The following OCRL variants were observed in gnomAD, a reference collection of about 807,000 sequenced individuals.
OCRL encodes inositol polyphosphate 5-phosphatase OCRL.
Under a neutral mutation model 78.9 loss-of-function variants are expected in OCRL, and 8 were observed. The observed-to-expected ratio is 0.10, with a 90% CI of 0.06 to 0.18. The LOEUF is 0.18. OCRL is among the 10% of genes least tolerant of loss of function. OCRL has a pLI of 1.00. For synonymous variants in OCRL, 240 were observed against 235.4 expected (o/e 1.02, Z -0.18); for missense variants, 454 against 696.7 (o/e 0.65, Z 3.92).
intron 2 of OCRL, among the ~76,000 whole-genome samples, chrX:129,541,649 C>T (rs1241733431): frequency 8.9e-6 from 1 of 112,303 alleles, no homozygotes; most frequent in Admixed American, 9.4e-5. Context: ...GCCCAAGACA[C>T]CTCACTTGGA....
intron 19 of OCRL, among the ~76,000 whole-genome samples, chrX:129,586,061 A>G (rs890426686): frequency 3.6e-5 from 4 of 111,635 alleles, no homozygotes; most frequent in African/African-American, 1.3e-4. Flanking sequence ...TGGGATTTTT[A>G]TGAAGGGTGC....
intron 15 of OCRL, among the ~76,000 whole-genome samples, chrX:129,571,165 T>C (rs1936293810): frequency 9.0e-6 from 1 of 111,595 alleles, no homozygotes; most frequent in African/African-American, 3.3e-5. Flanking sequence ...AGATAACTTC[T>C]TTTAGCCCAT....
rs1245054934 is a variant in OCRL at position 129,540,624 on chromosome X, A to AGGGCG, written c.40-106_40-102dup. On this transcript the variant is annotated intron_variant, in intron 1 of 23. Coordinates refer to ENST00000371113, the MANE Select transcript of OCRL (RefSeq NM_000276.4). The stretch of plus-strand genomic sequence containing the variant: ...AGGGGGCCGGCGCGGGAGACGAAGC[A>AGGGCG]GGGCGGGGCGGGGCGGGGGAGGGCG... 4.7e-4 allele frequency: 111 copies of AGGGCG among 234,932 alleles called. 1 individual carries two copies. The highest frequency in any genetic ancestry group is 1.1e-3 in the South Asian group (17 of 16,138). The allele number at this position is 234,932 out of a possible 1,213,427, so 19.4% of individuals were successfully genotyped here.
chrX:129,571,734 A>G (rs774991319), intron 15 of OCRL, among the ~76,000 whole-genome samples: 9 of 111,444 alleles, frequency 8.1e-5, no homozygotes, highest in Non-Finnish European at 1.5e-4. Flanking sequence ...TATATCTTTA[A>G]TAAAGATATG....
chrX:129,588,617 A>G (rs1936546576), intron 21 of OCRL, among the ~76,000 whole-genome samples: 1 of 112,029 alleles, frequency 8.9e-6, no homozygotes. Flanking sequence ...CCTGGTTTAT[A>G]GGACTGCTCC....
chrX:129,549,268 A>G (rs1935929167), intron 4 of OCRL, among the ~76,000 whole-genome samples: 1 of 111,819 alleles, frequency 8.9e-6, no homozygotes, highest in East Asian at 2.8e-4. Context: ...TTTATCATCT[A>G]ATTGTACTAT....
intron 9 of OCRL, 69 bp from the exon 10 acceptor site, chrX:129,561,110 A>G: frequency 1.4e-6 from 1 of 695,045 alleles, no homozygotes; most frequent in African/African-American, 2.1e-5. Context: ...ATGTTTCAAC[A>G]TATGGGACAG....
At chrX:129,579,162 C>T (rs917959830) in intron 18 of OCRL, among the ~76,000 whole-genome samples, 2 of 111,530 alleles carry the variant, frequency 1.8e-5, no homozygotes, top group African/African-American at 6.5e-5. Flanking sequence ...CAAAAAGTTT[C>T]GAGTTTTGGA....
chrX:129,576,608 A>G, intron 18 of OCRL, 56 bp downstream of exon 18: 3 of 888,154 alleles, frequency 3.4e-6, no homozygotes, highest in Non-Finnish European at 3.3e-6. Context: ...ACAATACTTA[A>G]GTGACGTCCT....
chrX:129,560,439 A>T (rs1407229886), intron 8 of OCRL, 111 bp from the exon 9 acceptor site: 2 of 479,210 alleles, frequency 4.2e-6, no homozygotes, highest in African/African-American at 4.7e-5. Context: ...ATTTTGAGGA[A>T]TTATGTTAGC....
intron 4 of OCRL, among the ~76,000 whole-genome samples, chrX:129,555,302 C>T (rs1257774322): frequency 1.8e-5 from 2 of 110,136 alleles, no homozygotes; most frequent in Non-Finnish European, 1.9e-5. Flanking sequence ...TGGTGAAACC[C>T]GATCTCTACT....
chrX:129,542,900 C>T (rs1005328734), intron 2 of OCRL, among the ~76,000 whole-genome samples: 2 of 111,840 alleles, frequency 1.8e-5, no homozygotes, highest in African/African-American at 6.5e-5. Flanking sequence ...ATCTTTAGGT[C>T]TGTGGTTCCT....
At chrX:129,573,361 C>T (rs7054982) in intron 15 of OCRL, among the ~76,000 whole-genome samples, 6,876 of 111,206 alleles carry the variant, frequency 0.062, 512 homozygotes, top group African/African-American at 0.21. Context: ...AGCTATTTAA[C>T]CTTAATGCTC....
chrX:129,544,097 G>C (rs774037420), intron 2 of OCRL, among the ~76,000 whole-genome samples: 2 of 111,023 alleles, frequency 1.8e-5, no homozygotes, highest in African/African-American at 6.5e-5. Flanking sequence ...AAGAAACAGA[G>C]TGTTCCTGAC....
intron 18 of OCRL, among the ~76,000 whole-genome samples, chrX:129,579,631 A>AT (rs1258150423): frequency 8.9e-6 from 1 of 112,051 alleles, no homozygotes; most frequent in Non-Finnish European, 1.9e-5. Context: ...AATAGTTGAG[A>AT]TTAGCACAAG....
chrX:129,575,308 A>T, intron 16 of OCRL, 58 bp downstream of exon 16: 1 of 794,152 alleles, frequency 1.3e-6, no homozygotes. Flanking sequence ...CACAGAAGAA[A>T]CTGCTACTTA....
chrX:129,563,417 T>A lies in OCRL; in HGVS notation c.1244+631T>A, dbSNP rs781519665. 1.2e-4 allele frequency among the ~76,000 whole-genome samples: 14 copies of A among 112,715 alleles called. No homozygotes were observed. The South Asian group carries it at 5.1e-3, about 41-fold the overall frequency. ...AATTTATTGATACTCACTTGTTTTTTTTCTTTTTAAATGCAGCTACTAGAA... is the reference window on the plus strand; with the variant it reads ...AATTTATTGATACTCACTTGTTTTTATTCTTTTTAAATGCAGCTACTAGAA... On this transcript the variant is annotated intron_variant, in intron 12 of 23. Coordinates refer to ENST00000371113, the MANE Select transcript of OCRL (RefSeq NM_000276.4).
rs1236700933 is a variant in OCRL at position 129,577,853 on chromosome X, T to C, written c.2115+1301T>C. 2.7e-5 allele frequency among the ~76,000 whole-genome samples: 3 copies of C among 112,315 alleles called. No individual in the cohort carries two copies. In the Admixed American group the frequency reaches 2.8e-4, roughly 11 times the overall value. On this transcript the variant is annotated intron_variant, in intron 18 of 23. Coordinates refer to ENST00000371113, the MANE Select transcript of OCRL (RefSeq NM_000276.4). The stretch of plus-strand genomic sequence containing the variant: ...TTTTTCTCCTAACATTATATTTCTG[T>C]CTTTTAGATTTTAGTATTTCACCTT...
chrX:129,558,988 A>T lies in OCRL; in HGVS notation c.709A>T (p.Ile237Phe). 8.3e-7 allele frequency: 1 copy of T among 1,210,860 alleles called. No homozygotes were observed. The highest frequency in any genetic ancestry group is 1.1e-6 in the Non-Finnish European group (1 of 894,897). Residue 237 changes from isoleucine (I) to phenylalanine (F), a missense_variant, in exon 8 of 24, where the codon ATT becomes TTT. By Grantham distance (21) the Ile-to-Phe change is conservative. This residue lies in a region of OCRL where 277 missense variants were observed against 517.1 expected (regional missense o/e 0.54). Transcript: ENST00000371113. Reference protein sequence around the residue: ...LAKREKEYVNIQTFRFFVGTW... With the variant: ...LAKREKEYVNFQTFRFFVGTW... ...AAAGCGAGAGAAAGAATATGTCAAC[A>T]TTCAGACTTTCAGGTTAGTGTCTCT...
Sources: allele counts gnomAD v4.1 joint callset (sites outside exome capture counted in the v4.1 genomes callset), GRCh38; gene constraint gnomAD v4.1.1; regional missense constraint gnomAD v4.1.1; transcripts MANE v1.5; gene names NCBI Gene and HGNC (gene_info 2026-07-23, HGNC 2026-07-21).